DPYD: variants seen among roughly 807,000 people sequenced by gnomAD.
The protein encoded by DPYD is dihydropyrimidine dehydrogenase [NADP(+)].
Under a neutral mutation model 116.2 loss-of-function variants are expected in DPYD, and 109 were observed. That is an observed-to-expected ratio of 0.94 (90% CI 0.80 to 1.10). The LOEUF is 1.10. DPYD is among the 50% of genes least tolerant of loss of function. DPYD has a pLI of 0.00. For synonymous variants in DPYD, 440 were observed against 432.0 expected (o/e 1.02, Z -0.23); for missense variants, 1,302 against 1,254.5 (o/e 1.04, Z -0.57).
intron 13 of DPYD, chr1:97,514,211 G>A (rs147288173): frequency 0.019 from 18,620 of 984,796 alleles, 202 homozygotes; most frequent in South Asian, 0.027. Flanking sequence ...ATAAAGGCAA[G>A]TGCTCCTAGG....
chr1:97,608,969 T>C (rs1185458109), intron 8 of DPYD, among the ~76,000 whole-genome samples: 1 of 151,822 alleles, frequency 6.6e-6, no homozygotes, highest in Non-Finnish European at 1.5e-5. Flanking sequence ...TATACTAACA[T>C]CTGAACCACT....
chr1:97,151,854 A>G (rs1462668076), intron 20 of DPYD, among the ~76,000 whole-genome samples: 2 of 152,186 alleles, frequency 1.3e-5, no homozygotes, highest in African/African-American at 4.8e-5. Flanking sequence ...TTAAAAACAT[A>G]CTAATGGTCA....
At chr1:97,553,171 CAT>C (rs1305244525) in intron 11 of DPYD, among the ~76,000 whole-genome samples, 3 of 151,822 alleles carry the variant, frequency 2.0e-5, no homozygotes, top group African/African-American at 7.3e-5. Context: ...ATGTAATATT[CAT>C]ATATAGTATG....
At chr1:97,653,474 T>C (rs569908737) in intron 8 of DPYD, among the ~76,000 whole-genome samples, 1 of 152,102 alleles carries the variant, frequency 6.6e-6, no homozygotes, top group East Asian at 1.9e-4. Context: ...CCAGCTCATT[T>C]TTGTATTTTT....
chr1:97,079,864 C>T (rs1474649028), intron 22 of DPYD, among the ~76,000 whole-genome samples: 3 of 152,044 alleles, frequency 2.0e-5, no homozygotes, highest in Non-Finnish European at 4.4e-5. Flanking sequence ...CCGTCTTCCT[C>T]TATTCCCTCC....
intron 21 of DPYD, among the ~76,000 whole-genome samples, chr1:97,097,326 T>C (rs1295715690): frequency 6.6e-6 from 1 of 152,152 alleles, no homozygotes; most frequent in Non-Finnish European, 1.5e-5. Context: ...TACATTTTTT[T>C]TTTCTTCATA....
In DPYD at chr1:97,545,707, C is replaced by T. The variant is rs1650791002; in HGVS notation, c.1524+3853G>A. On this transcript the variant is annotated intron_variant, in intron 12 of 22. Coordinates refer to ENST00000370192, the MANE Select transcript of DPYD (RefSeq NM_000110.4). ...AAACTGTGAAACTAAAAACTGCCAA[C>T]TAATAGTAATGGCCCCGAACCGTGA... is the stretch of plus-strand genomic sequence containing the variant. 25 of 994,842 alleles carry T rather than the reference C, an allele frequency of 2.5e-5. No individual in the cohort carries two copies. The South Asian group carries it at 3.7e-4, about 15-fold the overall frequency. The allele number at this position is 994,842 out of a possible 1,614,324, so 61.6% of individuals were successfully genotyped here.
chr1:97,105,906 AG>A (rs1382148716), intron 20 of DPYD, among the ~76,000 whole-genome samples: 4 of 152,182 alleles, frequency 2.6e-5, no homozygotes, highest in Non-Finnish European at 5.9e-5. Context: ...AATGAAGTGA[AG>A]GAACTACAGG....
At chr1:97,826,420 TTCTG>T (rs1049995873) in intron 3 of DPYD, among the ~76,000 whole-genome samples, 4 of 9,760 alleles carry the variant, frequency 4.1e-4, no homozygotes, top group African/African-American at 8.7e-4. Flanking sequence ...TTTCAGTTCT[TTCTG>T]TCTTTTGGTC....
chr1:97,174,962 A>C (rs1432919233), intron 20 of DPYD, among the ~76,000 whole-genome samples: 1 of 152,140 alleles, frequency 6.6e-6, no homozygotes, highest in Admixed American at 6.5e-5. Context: ...CACATAAATG[A>C]AATCATTTGG....
intron 5 of DPYD, among the ~76,000 whole-genome samples, chr1:97,701,007 T>A (rs1275013468): frequency 6.6e-6 from 1 of 150,890 alleles, no homozygotes; most frequent in African/African-American, 2.4e-5. Context: ...AATGGTAAGA[T>A]GGTAAATATA....
intron 20 of DPYD, among the ~76,000 whole-genome samples, chr1:97,151,674 T>G (rs928999673): frequency 2.7e-5 from 4 of 149,454 alleles, no homozygotes; most frequent in African/African-American, 9.9e-5. Context: ...AAAGTCTGTC[T>G]CAAAAATAAA....
chr1:97,367,730 A>C (rs1225978182), intron 16 of DPYD, among the ~76,000 whole-genome samples: 1 of 152,186 alleles, frequency 6.6e-6, no homozygotes, highest in Non-Finnish European at 1.5e-5. Flanking sequence ...ATGAGTGTAT[A>C]CTAAATAGTT....
chr1:97,432,300 T>G (rs557542934), intron 14 of DPYD, among the ~76,000 whole-genome samples: 1 of 152,142 alleles, frequency 6.6e-6, no homozygotes, highest in African/African-American at 2.4e-5. Context: ...CTGCTTTCCA[T>G]AGTGCCTATG....
intron 19 of DPYD, among the ~76,000 whole-genome samples, chr1:97,224,932 A>G (rs1367637496): frequency 1.3e-5 from 2 of 151,958 alleles, no homozygotes; most frequent in Non-Finnish European, 2.9e-5. Flanking sequence ...GGTTGCTTCC[A>G]TATCTTGGCT....
In DPYD at chr1:97,593,273, C is replaced by T. The variant is rs573299212; in HGVS notation, c.1073G>A (p.Arg358His). Reference protein sequence around the residue: ...ATSALRCGARRVFIVFRKGFV... With the variant: ...ATSALRCGARHVFIVFRKGFV... ...GCCTTTTCTGAAGACGATGAACACA[C>T]GGCGAGCTCCACAACGTAGAGCAGA... The change falls in exon 10 of 23, where the codon CGT becomes CAT. Residue 358 changes from arginine (R) to histidine (H), a missense_variant. Physicochemically the swap from Arg to His is conservative, Grantham distance 29. Coordinates refer to ENST00000370192, the MANE Select transcript of DPYD (RefSeq NM_000110.4). 2.5e-5 allele frequency: 41 copies of T among 1,614,118 alleles called. No individual in the cohort carries two copies. Among genetic ancestry groups the T allele is most frequent in the South Asian group, 6.6e-5 (6 of 91,088 alleles).
chr1:97,808,204 GAACC>G, intron 3 of DPYD, among the ~76,000 whole-genome samples: 1 of 152,208 alleles, frequency 6.6e-6, no homozygotes, highest in Non-Finnish European at 1.5e-5. Context: ...AATTTGGAAA[GAACC>G]AACATCTTGA....
At chr1:97,107,701 C>A (rs1173577578) in intron 20 of DPYD, among the ~76,000 whole-genome samples, 1 of 152,032 alleles carries the variant, frequency 6.6e-6, no homozygotes, top group African/African-American at 2.4e-5. Flanking sequence ...CACTGAGGGG[C>A]ATAAAGACTA....
At chr1:97,701,495 C>T (rs1324661353) in intron 5 of DPYD, among the ~76,000 whole-genome samples, 2 of 151,688 alleles carry the variant, frequency 1.3e-5, no homozygotes, top group Admixed American at 6.6e-5. Flanking sequence ...TTGGCTCACA[C>T]AGTTGCTTGC....
Sources: allele counts gnomAD v4.1 joint callset (sites outside exome capture counted in the v4.1 genomes callset), GRCh38; gene constraint gnomAD v4.1.1; transcripts MANE v1.5; gene names NCBI Gene and HGNC (gene_info 2026-07-23, HGNC 2026-07-21).